Variants in CCDC192 observed in about 807,000 individuals in gnomAD.
The protein encoded by CCDC192 is coiled-coil domain-containing protein 192.
chr5:127,860,168 A>C (rs912934945), intron 5 of CCDC192, among the ~76,000 whole-genome samples: 1 of 152,182 alleles, frequency 6.6e-6, no homozygotes, highest in Non-Finnish European at 1.5e-5. Context: ...TTTATTATAT[A>C]TCTATTTCCC....
intron 3 of CCDC192, among the ~76,000 whole-genome samples, chr5:127,796,608 T>A (rs773417172): frequency 2.2e-4 from 33 of 152,196 alleles, no homozygotes; most frequent in Non-Finnish European, 3.8e-4. Context: ...TGATCAGACT[T>A]TAACTTGAAA....
chr5:127,882,466 C>T (rs558704781), intron 6 of CCDC192, among the ~76,000 whole-genome samples: 62 of 152,218 alleles, frequency 4.1e-4, no homozygotes, highest in Admixed American at 3.3e-3. Flanking sequence ...GTTCCTATGG[C>T]AACTAGGTGT....
intron 2 of CCDC192, among the ~76,000 whole-genome samples, chr5:127,734,764 T>G (rs1291787712): frequency 6.6e-6 from 1 of 151,148 alleles, no homozygotes; most frequent in Non-Finnish European, 1.5e-5. Context: ...GCCCACTTTT[T>G]GATGGGGTTG....
At chr5:127,887,397 A>G (rs751415011) in intron 6 of CCDC192, among the ~76,000 whole-genome samples, 81 of 151,744 alleles carry the variant, frequency 5.3e-4, no homozygotes, top group Non-Finnish European at 1.0e-3. Context: ...TTATCACACT[A>G]GGCTGTCTAT....
intron 3 of CCDC192, among the ~76,000 whole-genome samples, chr5:127,791,603 A>G (rs1011096578): frequency 6.6e-6 from 1 of 152,232 alleles, no homozygotes; most frequent in Non-Finnish European, 1.5e-5. Context: ...CACTGGCCGC[A>G]GAAATATTAG....
chr5:127,712,777 G>T (rs1188146533), intron 2 of CCDC192, among the ~76,000 whole-genome samples: 1 of 152,174 alleles, frequency 6.6e-6, no homozygotes, highest in Non-Finnish European at 1.5e-5. Flanking sequence ...AAATACACAA[G>T]AGTGGTGGTA....
chr5:127,748,928 G>A (rs371574923), intron 2 of CCDC192, among the ~76,000 whole-genome samples: 193 of 151,702 alleles, frequency 1.3e-3, no homozygotes, highest in African/African-American at 4.5e-3. Flanking sequence ...TTGGTGTATA[G>A]GAATGCCTGT....
At chr5:127,786,871 G>A (rs1756569124) in intron 3 of CCDC192, 3 of 480,696 alleles carry the variant, frequency 6.2e-6, no homozygotes, top group Non-Finnish European at 1.2e-5. Flanking sequence ...TGGTTTGACT[G>A]GTGTACACTA....
chr5:127,851,461 T>G (rs951985469), intron 5 of CCDC192, among the ~76,000 whole-genome samples: 1 of 152,062 alleles, frequency 6.6e-6, no homozygotes, highest in Non-Finnish European at 1.5e-5. Flanking sequence ...ATTGCTGTTG[T>G]TGTTTTGTTT....
At chr5:127,875,715 G>A (rs1432110359) in intron 6 of CCDC192, 54 bp downstream of exon 6, 1 of 397,462 alleles carries the variant, frequency 2.5e-6, no homozygotes, top group Non-Finnish European at 4.4e-6. Flanking sequence ...GGTGATGTAT[G>A]TAGTTGTATT....
At chr5:127,870,074 T>C (rs1325714272) in intron 5 of CCDC192, among the ~76,000 whole-genome samples, 1 of 152,220 alleles carries the variant, frequency 6.6e-6, no homozygotes, top group African/African-American at 2.4e-5. Context: ...CGTCTTGCAC[T>C]TGTGATTGTT....
At chr5:127,808,411 T>C (rs763004652) in intron 5 of CCDC192, among the ~76,000 whole-genome samples, 2 of 152,102 alleles carry the variant, frequency 1.3e-5, no homozygotes, top group African/African-American at 2.4e-5. Flanking sequence ...AGTAGTCAGA[T>C]CCATATTGAC....
chr5:127,765,374 G>A lies in CCDC192; in HGVS notation c.222+10999G>A, dbSNP rs1422994735. 2.6e-5 allele frequency among the ~76,000 whole-genome samples: 4 copies of A among 152,100 alleles called. No homozygotes were observed. The East Asian group carries it at 7.7e-4, about 29-fold the overall frequency. On this transcript the variant is annotated intron_variant, in intron 3 of 6. Coordinates refer to ENST00000514853, the MANE Select transcript of CCDC192 (RefSeq NM_001317938.2). ...GTTTCATTTTTGTTTAGTTTTGAAA[G>A]AGTTATTTTTAATTAAAATATATTT...
At chr5:127,810,843 G>A (rs780151435) in intron 5 of CCDC192, among the ~76,000 whole-genome samples, 2 of 152,156 alleles carry the variant, frequency 1.3e-5, no homozygotes, top group Non-Finnish European at 2.9e-5. Flanking sequence ...GGGAGGAAGG[G>A]TGGTCCTCTC....
intron 2 of CCDC192, among the ~76,000 whole-genome samples, chr5:127,721,298 A>G (rs1470654747): frequency 6.6e-6 from 1 of 152,138 alleles, no homozygotes; most frequent in Non-Finnish European, 1.5e-5. Context: ...CTTCCACCAG[A>G]TACCCTAAAT....
chr5:127,834,330 A>G (rs1202971289), intron 5 of CCDC192, among the ~76,000 whole-genome samples: 2 of 152,202 alleles, frequency 1.3e-5, no homozygotes, highest in Non-Finnish European at 2.9e-5. Flanking sequence ...TTGTTAAACT[A>G]TACAAGCTGA....
chr5:127,855,624 A>G (rs569475396), intron 5 of CCDC192, among the ~76,000 whole-genome samples: 1 of 152,350 alleles, frequency 6.6e-6, no homozygotes, highest in East Asian at 1.9e-4. Context: ...TATCAGAAGA[A>G]TCACCATCTA....
At chr5:127,798,874 T>A (rs1007876095) in intron 5 of CCDC192, among the ~76,000 whole-genome samples, 3 of 152,016 alleles carry the variant, frequency 2.0e-5, no homozygotes, top group African/African-American at 7.3e-5. Flanking sequence ...TATGGCAAAT[T>A]TCATTTGCAC....
At chr5:127,885,878 C>T (rs926663565) in intron 6 of CCDC192, among the ~76,000 whole-genome samples, 4 of 151,956 alleles carry the variant, frequency 2.6e-5, no homozygotes, top group East Asian at 1.9e-4. Flanking sequence ...CTGGCTTGGA[C>T]CAGATTACCC....
Sources: gnomAD v4.1 joint callset for allele counts (sites outside exome capture counted in the v4.1 genomes callset) on GRCh38, gnomAD v4.1.1 for gene constraint, MANE v1.5 for transcripts, NCBI Gene and HGNC (gene_info 2026-07-23, HGNC 2026-07-21) for gene names.